The following TMCO6 variants were observed in gnomAD, a reference collection of about 807,000 sequenced individuals.
TMCO6 encodes transmembrane and coiled-coil domain-containing protein 6.
TMCO6 carries 47 observed loss-of-function variants against 61.8 expected under a neutral mutation model. The observed-to-expected ratio is 0.76, with a 90% CI of 0.60 to 0.97. The LOEUF (loss-of-function observed/expected upper bound fraction) is 0.97, where lower values mean the gene tolerates loss of function less well. Ranked by LOEUF, TMCO6 falls within the 50% of genes least tolerant of loss-of-function variation. TMCO6 has a pLI of 0.00. For missense variants in TMCO6, 557 were observed against 601.6 expected (o/e 0.93, Z 0.78); for synonymous variants, 261 against 254.2 (o/e 1.03, Z -0.25).
chr5:140,622,204 G>A, the TMCO6 span, among the ~76,000 whole-genome samples: 1 of 152,152 alleles, frequency 6.6e-6, no homozygotes, highest in African/African-American at 2.4e-5. Flanking sequence ...TGGACACCCA[G>A]CTTTAAAATT....
At chr5:140,646,359 C>G (rs1757399933), downstream of TMCO6, among the ~76,000 whole-genome samples, 1 of 152,152 alleles carries the variant, frequency 6.6e-6, no homozygotes, top group African/African-American at 2.4e-5. Context: ...TAATACCCAG[C>G]ACAATACACT....
At chr5:140,603,649 C>T in the TMCO6 span, among the ~76,000 whole-genome samples, 1 of 150,122 alleles carries the variant, frequency 6.7e-6, no homozygotes, top group African/African-American at 2.5e-5. Flanking sequence ...TAAAGTTCAT[C>T]CAAGTTGTGG....
chr5:140,626,031 G>A, the TMCO6 span, among the ~76,000 whole-genome samples: 2 of 152,048 alleles, frequency 1.3e-5, no homozygotes, highest in Non-Finnish European at 2.9e-5. Context: ...TCTTTAGCAC[G>A]GTCTCTTCTT....
the TMCO6 span, among the ~76,000 whole-genome samples, chr5:140,629,849 C>G: frequency 6.7e-6 from 1 of 150,148 alleles, no homozygotes; most frequent in African/African-American, 2.5e-5. Context: ...AGGAGATTTG[C>G]TTGAACCTGG....
At chr5:140,633,327 G>A in the TMCO6 span, 1 of 610,078 alleles carries the variant, frequency 1.6e-6, no homozygotes, top group Admixed American at 2.7e-5. Flanking sequence ...TTTCAGGGAG[G>A]GGGACCGTAA....
chr5:140,647,400 G>T (rs1044297835), downstream of TMCO6: 2 of 1,610,832 alleles, frequency 1.2e-6, no homozygotes, highest in Admixed American at 1.7e-5. Context: ...TGCTGTGGGC[G>T]GGGGCTTCCC....
the TMCO6 span, among the ~76,000 whole-genome samples, chr5:140,606,961 TTAGTTTTTAACAAAA>T: frequency 9.0e-4 from 135 of 150,766 alleles, no homozygotes; most frequent in African/African-American, 2.6e-3. Context: ...GGTTTGTGTC[TTAGTTTTTAACAAAA>T]TAGTTTAAAA....
chr5:140,597,759 T>C, the TMCO6 span, among the ~76,000 whole-genome samples: 23 of 152,228 alleles, frequency 1.5e-4, no homozygotes, highest in Admixed American at 3.3e-4. Context: ...ACAGGACTAA[T>C]GGACTATCTT....
the TMCO6 span, among the ~76,000 whole-genome samples, chr5:140,606,989 TA>T: frequency 3.0e-3 from 399 of 133,562 alleles, 1 homozygote; most frequent in African/African-American, 7.0e-3. Flanking sequence ...GTTTAAAAAG[TA>T]AAAAAAAAAA....
At chr5:140,634,590 A>C (rs903679226), upstream of TMCO6, among the ~76,000 whole-genome samples, 4 of 150,322 alleles carry the variant, frequency 2.7e-5, no homozygotes, top group African/African-American at 9.8e-5. Context: ...AGTTCAAGCA[A>C]TTCTCTTGCC....
At chr5:140,617,426 C>T in the TMCO6 span, among the ~76,000 whole-genome samples, 1 of 152,126 alleles carries the variant, frequency 6.6e-6, no homozygotes, top group African/African-American at 2.4e-5. Context: ...TGGTAGTGCA[C>T]ACCTGTAATC....
downstream of TMCO6, chr5:140,645,782 G>A: frequency 1.3e-6 from 2 of 1,537,412 alleles, no homozygotes; most frequent in South Asian, 2.3e-5. Context: ...AAGACAGGAA[G>A]AGTATTAAAG....
In TMCO6 at chr5:140,641,873, G is replaced by A; in HGVS notation, c.318G>A (p.Leu106=). ...HPETQQTFIR[L]EGSMRTLVGL... ...GCTCTGGTACTCACTCACATAGGCT[G>A]GAGGGCAGCATGCGGACCCTGGTCG... Residue 106 remains leucine, a synonymous_variant, in exon 4 of 12, where the codon CTG becomes CTA. Transcript: ENST00000394671. The A allele has an allele frequency of 2.5e-6, 4 of 1,612,936 alleles. No individual in the cohort carries two copies. The highest frequency in any genetic ancestry group is 3.4e-6 in the Non-Finnish European group (4 of 1,178,980).
the TMCO6 span, among the ~76,000 whole-genome samples, chr5:140,614,179 G>A: frequency 3.9e-5 from 6 of 151,938 alleles, no homozygotes; most frequent in Non-Finnish European, 5.9e-5. Flanking sequence ...GATTACAGGC[G>A]TGAGCCACTG....
At chr5:140,611,300 C>G in the TMCO6 span, among the ~76,000 whole-genome samples, 1 of 152,160 alleles carries the variant, frequency 6.6e-6, no homozygotes, top group African/African-American at 2.4e-5. Context: ...CTTCCCATCA[C>G]TCCCGCCACC....
At chr5:140,631,910 C>T in the TMCO6 span, 13 of 1,598,224 alleles carry the variant, frequency 8.1e-6, no homozygotes, top group Non-Finnish European at 1.0e-5. Flanking sequence ...ACACCCCCAC[C>T]GACAGGGTCG....
chr5:140,611,916 G>C, the TMCO6 span, among the ~76,000 whole-genome samples: 1 of 152,274 alleles, frequency 6.6e-6, no homozygotes, highest in African/African-American at 2.4e-5. Flanking sequence ...GTTTTATAAA[G>C]AGCCTCCCAT....
chr5:140,625,968 G>A, the TMCO6 span, among the ~76,000 whole-genome samples: 2 of 152,110 alleles, frequency 1.3e-5, no homozygotes, highest in Non-Finnish European at 2.9e-5. Context: ...TGTCTCCTTT[G>A]AAGACCCTGC....
the TMCO6 span, chr5:140,633,265 C>T: frequency 2.9e-6 from 2 of 689,856 alleles, no homozygotes; most frequent in Non-Finnish European, 5.1e-6. Context: ...CCCCACCTCT[C>T]TTCCTCCGAG....
Sources: allele counts gnomAD v4.1 joint callset (sites outside exome capture counted in the v4.1 genomes callset), GRCh38; gene constraint gnomAD v4.1.1; transcripts MANE v1.5; gene names NCBI Gene and HGNC (gene_info 2026-07-23, HGNC 2026-07-21).